Variants in PHKA1 observed in about 807,000 individuals in gnomAD.
PHKA1 encodes the protein phosphorylase kinase regulatory subunit alpha 1, also known as phosphorylase b kinase regulatory subunit alpha, skeletal muscle isoform.
Under a neutral mutation model 110.2 loss-of-function variants are expected in PHKA1, and 60 were observed. That is an observed-to-expected ratio of 0.54 (90% CI 0.44 to 0.68). The LOEUF (loss-of-function observed/expected upper bound fraction) is 0.68. Among genes scored for constraint, PHKA1 ranks in the 30% least tolerant of loss-of-function variants. The pLI, the probability that PHKA1 is intolerant of heterozygous loss-of-function variation, is 0.00. For missense variants in PHKA1, 801 were observed against 942.5 expected (o/e 0.85, Z 1.97); for synonymous variants, 316 against 333.6 (o/e 0.95, Z 0.58).
At chrX:72,639,068 C>T (rs7891264) in intron 14 of PHKA1, among the ~76,000 whole-genome samples, 8,525 of 111,942 alleles carry the variant, frequency 0.076, 784 homozygotes, top group African/African-American at 0.26. Context: ...GCTATTTCAT[C>T]ACAGCTGGAA....
chrX:72,675,751 T>C (rs1223578404), intron 6 of PHKA1, among the ~76,000 whole-genome samples: 5 of 110,589 alleles, frequency 4.5e-5, no homozygotes, highest in African/African-American at 6.6e-5. Flanking sequence ...GGTCAACTGG[T>C]AAACGAAAGG....
In PHKA1 at chrX:72,706,649, T is replaced by C. The variant is rs186674823; in HGVS notation, c.238-1404A>G. 6.3e-5 allele frequency among the ~76,000 whole-genome samples: 7 copies of C among 111,526 alleles called. No individual in the cohort carries two copies. In the Admixed American group the frequency reaches 6.7e-4, roughly 11 times the overall value. Reference sequence around the variant, plus strand: ...TAAAGGAACTCATTTTAAAAAAACATATTAAGGGCCTCTAGTCGACCAATA... The same window carrying C: ...TAAAGGAACTCATTTTAAAAAAACACATTAAGGGCCTCTAGTCGACCAATA... On this transcript the variant is annotated intron_variant, in intron 2 of 31. Transcript: ENST00000373542.
intron 28 of PHKA1, among the ~76,000 whole-genome samples, chrX:72,594,431 G>A (rs2052563597): frequency 9.0e-6 from 1 of 110,632 alleles, no homozygotes; most frequent in African/African-American, 3.3e-5. Flanking sequence ...GAAAAAAAGG[G>A]GAAATAAAGA....
chrX:72,603,034 T>C lies in PHKA1; in HGVS notation c.2917+85A>G, dbSNP rs148423020. ...GTTTATTTATTTGGGGAAAAAGGTT[T>C]CTGTGATGAAGGAAAAACATTTTAA... is the stretch of plus-strand genomic sequence containing the variant. On this transcript the variant is annotated intron_variant, in intron 26 of 31. Coordinates refer to ENST00000373542, the MANE Select transcript of PHKA1 (RefSeq NM_002637.4). 586 of 614,152 alleles carry C rather than the reference T, an allele frequency of 9.5e-4. 2 individuals are homozygous for C. The African/African-American group carries it at 0.012, about 12-fold the overall frequency. 50.6% of individuals were successfully genotyped at this position (614,152 alleles called of 1,213,427 possible).
At chrX:72,609,731 T>C (rs368976060) in intron 22 of PHKA1, 28 bp from the exon 23 acceptor site, 55 of 1,032,110 alleles carry the variant, frequency 5.3e-5, no homozygotes, top group Non-Finnish European at 7.5e-5. Context: ...AATATTATCG[T>C]TTCTGTAACA....
intron 19 of PHKA1, among the ~76,000 whole-genome samples, chrX:72,620,175 A>G (rs1002102229): frequency 9.0e-6 from 1 of 111,548 alleles, no homozygotes; most frequent in African/African-American, 3.3e-5. Context: ...AGGTGTGGCC[A>G]AGGAGCCCTT....
In PHKA1 at chrX:72,684,173, A is replaced by G. The variant is rs141331287; in HGVS notation, c.537+325T>C. ...AAGTAGCTAACTGACCCACAATACA[A>G]CCTAGCTATCTTGCTCTTAAGAACT... On this transcript the variant is annotated intron_variant, in intron 5 of 31. Transcript: ENST00000373542. 4.4e-3 allele frequency among the ~76,000 whole-genome samples: 496 copies of G among 112,239 alleles called. 1 individual carries two copies. The highest frequency in any genetic ancestry group is 9.1e-3 in the African/African-American group (281 of 30,954).
intron 29 of PHKA1, among the ~76,000 whole-genome samples, chrX:72,585,719 A>G (rs782678147): frequency 1.4e-4 from 16 of 112,177 alleles, no homozygotes; most frequent in Non-Finnish European, 3.0e-4. Context: ...CTCCCGCCCA[A>G]ATACTGCACT....
chrX:72,677,967 G>C (rs1556312561), intron 5 of PHKA1, among the ~76,000 whole-genome samples: 2 of 111,374 alleles, frequency 1.8e-5, no homozygotes, highest in Non-Finnish European at 3.8e-5. Flanking sequence ...AAGATAGCTT[G>C]AGTCCAGGAG....
intron 31 of PHKA1, among the ~76,000 whole-genome samples, chrX:72,581,796 A>T (rs961585823): frequency 8.0e-5 from 9 of 111,851 alleles, no homozygotes; most frequent in Non-Finnish European, 1.5e-4. Flanking sequence ...TGTTTTGAAA[A>T]TTTTTTTACT....
intron 10 of PHKA1, among the ~76,000 whole-genome samples, chrX:72,655,875 C>G (rs1556301144): frequency 8.9e-6 from 1 of 112,407 alleles, no homozygotes; most frequent in East Asian, 2.8e-4. Context: ...CCGCCTCGGC[C>G]TCCCAAAGTG....
intron 7 of PHKA1, 59 bp from the exon 8 acceptor site, chrX:72,666,356 A>T: frequency 1.0e-6 from 1 of 960,524 alleles, no homozygotes; most frequent in Non-Finnish European, 1.5e-6. Context: ...CTTTACCCCA[A>T]TATCTTATCA....
intron 28 of PHKA1, among the ~76,000 whole-genome samples, chrX:72,594,692 T>C (rs2052566781): frequency 8.9e-6 from 1 of 112,731 alleles, no homozygotes; most frequent in African/African-American, 3.2e-5. Context: ...GGCTTGTGCC[T>C]GTATTCCCAG....
intron 28 of PHKA1, chrX:72,599,935 T>C: frequency 2.0e-6 from 1 of 496,911 alleles, no homozygotes; most frequent in Non-Finnish European, 3.7e-6. Flanking sequence ...TTTGTACTTT[T>C]AAGTCACTAG....
rs1215077277 is a variant in PHKA1, at chrX:72,623,265, C to G, written c.1804G>C (p.Gly602Arg). 1 of 1,207,623 alleles carries G rather than the reference C, an allele frequency of 8.3e-7. No individual in the cohort carries two copies. Among genetic ancestry groups the G allele is most frequent in the Non-Finnish European group, 1.1e-6 (1 of 892,442 alleles). Reference sequence around the variant, plus strand: ...GTTGTCAAAAACTCTGACAATTTACCTGTTTGAACCCTAAAAATTAGAGGA... The same window carrying G: ...GTTGTCAAAAACTCTGACAATTTACGTGTTTGAACCCTAAAAATTAGAGGA... ...GYFGGARVQTGKLSEFLTTSC... is the reference protein window; with the variant it reads ...GYFGGARVQTRKLSEFLTTSC... Residue 602 changes from glycine to arginine, a missense_variant, in exon 18 of 32, where the codon GGT (glycine) becomes CGT (arginine). Physicochemically the swap from Gly to Arg is moderately radical, Grantham distance 125 (BLOSUM62 -2). Coordinates refer to ENST00000373542, the MANE Select transcript of PHKA1 (RefSeq NM_002637.4).
intron 12 of PHKA1, among the ~76,000 whole-genome samples, chrX:72,651,641 G>A (rs782589707): frequency 8.9e-6 from 1 of 111,933 alleles, no homozygotes; most frequent in South Asian, 3.9e-4. Context: ...TTAATTGAAT[G>A]AGAGAGTCAC....
In PHKA1 at chrX:72,637,923, T is replaced by C. The variant is rs782533819; in HGVS notation, c.1460-1537A>G. Among the ~76,000 whole-genome samples the C allele has an allele frequency of 8.0e-5, 9 of 111,814 alleles. No individual in the cohort carries two copies. In the East Asian group the frequency reaches 1.7e-3, roughly 21 times the overall value. ...TCTCTATTTCTTTTAGCAATGTTTT[T>C]CCATTTTCAGTGTACAAGTCTTTCA... On this transcript the variant is annotated intron_variant, in intron 14 of 31. Coordinates refer to ENST00000373542, the MANE Select transcript of PHKA1 (RefSeq NM_002637.4).
chrX:72,646,429 C>T (rs782457642), intron 13 of PHKA1, among the ~76,000 whole-genome samples: 1 of 111,525 alleles, frequency 9.0e-6, no homozygotes, highest in Non-Finnish European at 1.9e-5. Flanking sequence ...GACATGATCC[C>T]TACATGGAAA....
intron 5 of PHKA1, among the ~76,000 whole-genome samples, chrX:72,680,639 G>A (rs781970913): frequency 1.0e-4 from 8 of 80,274 alleles, no homozygotes; most frequent in East Asian, 6.7e-4. Context: ...GGTGGTTGGC[G>A]CGCTGCGCTG....
Sources: gnomAD v4.1 joint callset for allele counts (sites outside exome capture counted in the v4.1 genomes callset) on GRCh38, gnomAD v4.1.1 for gene constraint, MANE v1.5 for transcripts, NCBI Gene and HGNC (gene_info 2026-07-23, HGNC 2026-07-21) for gene names.